Variants in CPNE4 observed in about 807,000 individuals in gnomAD.
CPNE4 encodes copine 4, also known as copine-4.
A neutral mutation model predicts 67.9 loss-of-function variants in CPNE4; 25 were observed. The observed-to-expected ratio is 0.37, with a 90% CI of 0.27 to 0.51. The LOEUF (loss-of-function observed/expected upper bound fraction) is 0.51. CPNE4 is among the 20% of genes least tolerant of loss of function. CPNE4 has a pLI of 0.93. For missense variants in CPNE4, 464 were observed against 690.8 expected (o/e 0.67, Z 3.68); for synonymous variants, 242 against 244.9 (o/e 0.99, Z 0.11).
intron 2 of CPNE4, among the ~76,000 whole-genome samples, chr3:131,861,402 TTGTGTGTGTGTGTGTGTGTGTGTG>T (rs5852659): frequency 2.1e-5 from 3 of 144,462 alleles, no homozygotes; most frequent in Non-Finnish European, 4.5e-5. Context: ...TATCTCATCT[TTGTGTGTGTGTGTGTGTGTGTGTG>T]TGTGTGTGTG....
chr3:131,929,044 T>C (rs1248302220), intron 1 of CPNE4, among the ~76,000 whole-genome samples: 1 of 152,060 alleles, frequency 6.6e-6, no homozygotes, highest in Non-Finnish European at 1.5e-5. Context: ...CAAGGTCCCC[T>C]CTCCATCAAG....
intron 7 of CPNE4, among the ~76,000 whole-genome samples, chr3:131,667,479 G>A (rs28397673): frequency 0.33 from 49,897 of 151,448 alleles, 8,592 homozygotes; most frequent in African/African-American, 0.4. Context: ...GGGGTGAAAT[G>A]CTACTGGCAT....
At chr3:131,620,405 G>C (rs1435549248) in intron 7 of CPNE4, 3 of 965,706 alleles carry the variant, frequency 3.1e-6, no homozygotes, top group Non-Finnish European at 3.7e-6. Flanking sequence ...TTTTGGAATA[G>C]TGAGCCATTT....
In CPNE4 at chr3:131,801,448, GTGTGTATATA is replaced by G. The variant is rs1202942349; in HGVS notation, c.181-77833_181-77824del. Among the ~76,000 whole-genome samples the G allele has an allele frequency of 8.5e-3, 510 of 59,796 alleles. 3 individuals are homozygous for G. Among genetic ancestry groups the G allele is most frequent in the South Asian group, 0.033 (52 of 1,588 alleles). The allele number at this position is 59,796 out of a possible 152,430, so 39.2% of individuals were successfully genotyped here. On this transcript the variant is annotated intron_variant, in intron 2 of 15. Coordinates refer to ENST00000429747, the MANE Select transcript of CPNE4 (RefSeq NM_130808.3). ...TGTGTGTGTGTGTGTGTGTGTGTGTGTGTGTATATATATATATATATATATATATAATATC... is the reference window on the plus strand; with the variant it reads ...TGTGTGTGTGTGTGTGTGTGTGTGTGTATATATATATATATATATAATATC...
At chr3:131,543,146 G>C (rs1034737523) in intron 14 of CPNE4, 15 of 195,406 alleles carry the variant, frequency 7.7e-5, no homozygotes, top group Admixed American at 1.1e-4. Context: ...TCTCAAATGA[G>C]GGGTGGGACC....
In CPNE4 at chr3:131,772,041, C is replaced by T. The variant is rs866573124; in HGVS notation, c.181-48416G>A. 8.6e-5 allele frequency among the ~76,000 whole-genome samples: 13 copies of T among 152,044 alleles called. No individual in the cohort carries two copies. In the South Asian group the frequency reaches 1.2e-3, roughly 15 times the overall value. The stretch of plus-strand genomic sequence containing the variant: ...CACTCAGTATCCATTCGCAAATGAA[C>T]AGGCAATGAACGGAGTGAGGCTACA... On this transcript the variant is annotated intron_variant, in intron 2 of 15. Transcript: ENST00000429747.
At chr3:131,849,805 G>A (rs1020925855) in intron 2 of CPNE4, among the ~76,000 whole-genome samples, 2 of 152,218 alleles carry the variant, frequency 1.3e-5, no homozygotes, top group African/African-American at 4.8e-5. Context: ...GAATGTGAAG[G>A]AGCCCAGCCT....
chr3:131,607,055 T>A (rs1264194034), intron 7 of CPNE4, among the ~76,000 whole-genome samples: 1 of 149,362 alleles, frequency 6.7e-6, no homozygotes, highest in Non-Finnish European at 1.5e-5. Context: ...GCTGTTAGCC[T>A]AACATTGCTA....
intron 2 of CPNE4, among the ~76,000 whole-genome samples, chr3:131,887,156 TG>T (rs2087925504): frequency 6.6e-6 from 1 of 152,204 alleles, no homozygotes; most frequent in Non-Finnish European, 1.5e-5. Context: ...AATTAAATCA[TG>T]GGGACAGTTT....
intron 2 of CPNE4, among the ~76,000 whole-genome samples, chr3:131,849,895 C>A (rs542848790): frequency 6.6e-6 from 1 of 152,240 alleles, no homozygotes; most frequent in South Asian, 2.1e-4. Context: ...TTCTGTGGTT[C>A]TTTGTTCCAC....
intron 1 of CPNE4, among the ~76,000 whole-genome samples, chr3:132,028,153 G>A (rs1326856824): frequency 6.6e-6 from 1 of 152,160 alleles, no homozygotes; most frequent in Non-Finnish European, 1.5e-5. Flanking sequence ...ACAAACCAAA[G>A]TGCCTGCTGA....
chr3:132,029,571 T>A (rs2074194530), intron 1 of CPNE4, among the ~76,000 whole-genome samples: 1 of 152,152 alleles, frequency 6.6e-6, no homozygotes, highest in Non-Finnish European at 1.5e-5. Flanking sequence ...CCTGCCAGCC[T>A]GATTTTGCTC....
chr3:131,552,456 G>T lies in CPNE4; in HGVS notation c.1152C>A (p.Asp384Glu). 3 of 1,612,646 alleles carry T rather than the reference G, an allele frequency of 1.9e-6. No homozygotes were observed. The highest frequency in any genetic ancestry group is 2.5e-6 in the Non-Finnish European group (3 of 1,179,048). The change falls in exon 13 of 16, where the codon GAC becomes GAA. Residue 384 changes from aspartate to glutamate, a missense_variant. Physicochemically the swap from Asp to Glu is conservative, Grantham distance 45 (BLOSUM62 2). Coordinates refer to ENST00000429747, the MANE Select transcript of CPNE4 (RefSeq NM_130808.3). Reference sequence around the variant, plus strand: ...GTGCTTTACCTGCACATTCTGGGTTGTCTTCATTAAAGTTGATTGCAAAGT... The same window carrying T: ...GTGCTTTACCTGCACATTCTGGGTTTTCTTCATTAAAGTTGATTGCAAAGT... ...SHDFAINFNE[D>E]NPECAGIQGV... is the part of the protein sequence containing the mutation.
chr3:131,974,032 A>T (rs1254897498), intron 1 of CPNE4, among the ~76,000 whole-genome samples: 1 of 152,112 alleles, frequency 6.6e-6, no homozygotes, highest in Non-Finnish European at 1.5e-5. Context: ...CAATAGAGAT[A>T]CCTCCATGTA....
At chr3:131,722,858 T>G (rs1368167310) in intron 3 of CPNE4, among the ~76,000 whole-genome samples, 1 of 152,232 alleles carries the variant, frequency 6.6e-6, no homozygotes, top group South Asian at 2.1e-4. Context: ...ACACTGCTAC[T>G]TATTAGGTAG....
chr3:131,958,492 T>C (rs1024419161), intron 1 of CPNE4, among the ~76,000 whole-genome samples: 1 of 152,176 alleles, frequency 6.6e-6, no homozygotes, highest in African/African-American at 2.4e-5. Context: ...GCAGTTGATG[T>C]TTGAGAAACA....
chr3:131,564,479 A>C, intron 10 of CPNE4, 130 bp from the exon 11 acceptor site: 1 of 830,394 alleles, frequency 1.2e-6, no homozygotes. Flanking sequence ...CCAATAAAGA[A>C]AGAGAATAAA....
chr3:131,583,915 A>T (rs1449127910), intron 8 of CPNE4, among the ~76,000 whole-genome samples: 2 of 152,208 alleles, frequency 1.3e-5, no homozygotes, highest in Admixed American at 1.3e-4. Flanking sequence ...TGGGATTCAC[A>T]CCCACATCAG....
intron 11 of CPNE4, among the ~76,000 whole-genome samples, chr3:131,559,802 A>G (rs1936664214): frequency 6.6e-6 from 1 of 152,012 alleles, no homozygotes; most frequent in South Asian, 2.1e-4. Context: ...TACAAAATGG[A>G]TGATGGTGGA....
Sources: gnomAD v4.1 joint callset for allele counts (sites outside exome capture counted in the v4.1 genomes callset) on GRCh38, gnomAD v4.1.1 for gene constraint, MANE v1.5 for transcripts, NCBI Gene and HGNC (gene_info 2026-07-23, HGNC 2026-07-21) for gene names.